Variants in SNTG1 observed in about 807,000 individuals in gnomAD.
The protein encoded by SNTG1 is syntrophin gamma 1.
Under a neutral mutation model 74.7 loss-of-function variants are expected in SNTG1, and 39 were observed. That is an observed-to-expected ratio of 0.52 (90% confidence interval 0.40 to 0.68). The LOEUF is 0.68. SNTG1 is among the 30% of genes least tolerant of loss of function. The probability of loss-of-function intolerance (pLI) is 0.00; values close to 1 mark genes in which losing one functional copy is unlikely to be tolerated. For synonymous variants in SNTG1, 254 were observed against 217.1 expected, an observed-to-expected ratio of 1.17 and a Z score of -1.49; for missense variants, 685 against 609.5, an observed-to-expected ratio of 1.12 and a Z score of -1.30.
intron 15 of SNTG1, among the ~76,000 whole-genome samples, chr8:50,690,225 G>GT (rs1310316782): frequency 6.6e-6 from 1 of 152,040 alleles, no homozygotes; most frequent in Non-Finnish European, 1.5e-5. Context: ...ATTTTTGAAG[G>GT]TTTTTTTGTG....
At chr8:50,318,494 C>G (rs2090399402) in intron 2 of SNTG1, among the ~76,000 whole-genome samples, 1 of 152,166 alleles carries the variant, frequency 6.6e-6, no homozygotes, top group Non-Finnish European at 1.5e-5. Flanking sequence ...CATTGCCCTC[C>G]ATCACTTCAC....
intron 12 of SNTG1, chr8:50,568,901 T>C (rs556906287): frequency 1.3e-5 from 2 of 152,318 alleles, no homozygotes; most frequent in South Asian, 2.1e-4. Flanking sequence ...TTTTATCTTA[T>C]GGCCTTCAAG....
At chr8:50,696,702 C>T (rs1585565734) in intron 15 of SNTG1, among the ~76,000 whole-genome samples, 1 of 152,022 alleles carries the variant, frequency 6.6e-6, no homozygotes, top group Non-Finnish European at 1.5e-5. Flanking sequence ...GTCCTTTACC[C>T]AGTGTATATT....
chr8:50,041,360 T>C lies in SNTG1; in HGVS notation c.-103+129129T>C, dbSNP rs568951452. On this transcript the variant is annotated intron_variant, in intron 1 of 18. Coordinates refer to ENST00000642720, the MANE Select transcript of SNTG1 (RefSeq NM_018967.5). ...TCCCAGTTGATGAGTTTTTGAAATT[T>C]TTCATAATAAAACATATTTAATAAA... is the stretch of plus-strand genomic sequence containing the variant. Among the ~76,000 whole-genome samples the C allele has an allele frequency of 7.9e-5, 12 of 152,252 alleles. No individual in the cohort carries two copies. The East Asian group carries it at 1.7e-3, about 22-fold the overall frequency.
At chr8:50,667,779 A>G (rs2095257782) in intron 15 of SNTG1, among the ~76,000 whole-genome samples, 1 of 152,036 alleles carries the variant, frequency 6.6e-6, no homozygotes. Context: ...TTTTCTTAAA[A>G]AGGTTGATTG....
chr8:50,347,962 ATGT>A lies in SNTG1; in HGVS notation c.-27-46248_-27-46246del, dbSNP rs2091531294. Among the ~76,000 whole-genome samples the A allele has an allele frequency of 1.8e-4, 28 of 152,188 alleles. 2 individuals carry two copies. Among genetic ancestry groups the A allele is most frequent in the Admixed American group, 5.2e-4 (8 of 15,278 alleles). On this transcript the variant is annotated intron_variant, in intron 2 of 18. Coordinates refer to ENST00000642720, the MANE Select transcript of SNTG1 (RefSeq NM_018967.5). ...AATATATATGATATAATGTTACAGGATGTTTGCTTTCACTTCCCCAAGAAACAT... is the reference window on the plus strand; with the variant it reads ...AATATATATGATATAATGTTACAGGATTGCTTTCACTTCCCCAAGAAACAT...
At chr8:50,152,260 G>A (rs924197280) in intron 1 of SNTG1, among the ~76,000 whole-genome samples, 1 of 152,038 alleles carries the variant, frequency 6.6e-6, no homozygotes, top group Non-Finnish European at 1.5e-5. Context: ...CATTTGCTTG[G>A]TAGATCTTCC....
chr8:50,010,925 A>T (rs1342828026), intron 1 of SNTG1, among the ~76,000 whole-genome samples: 1 of 151,706 alleles, frequency 6.6e-6, no homozygotes, highest in African/African-American at 2.4e-5. Flanking sequence ...ATATCATCAC[A>T]CCATTGCTCA....
intron 12 of SNTG1, among the ~76,000 whole-genome samples, chr8:50,566,721 G>T (rs2094518464): frequency 6.6e-6 from 1 of 151,854 alleles, no homozygotes; most frequent in Non-Finnish European, 1.5e-5. Flanking sequence ...GTTTTGTTTT[G>T]TTTTGTTTTT....
Position 49,928,044 on chromosome 8 carries a change from G to A in SNTG1, c.-103+15813G>A, listed in dbSNP as rs552012655. Among the ~76,000 whole-genome samples, 49 of 151,324 alleles carry A rather than the reference G, an allele frequency of 3.2e-4. 1 individual carries two copies. Among genetic ancestry groups the A allele is most frequent in the Non-Finnish European group, 4.7e-4 (32 of 67,806 alleles). On this transcript the variant is annotated intron_variant, in intron 1 of 18. Transcript: ENST00000642720. Reference sequence around the variant, plus strand: ...CTCGGGGGGCTGAGGCAGGAGAATCGCTTGAATCCGGGAGGCGGAGGTTGT... The same window carrying A: ...CTCGGGGGGCTGAGGCAGGAGAATCACTTGAATCCGGGAGGCGGAGGTTGT...
In SNTG1 at chr8:50,792,714, A is replaced by T. The variant is rs780917003; in HGVS notation, c.1439A>T (p.His480Leu). The T allele has an allele frequency of 6.8e-6, 11 of 1,612,092 alleles. No homozygotes were observed. Among genetic ancestry groups the T allele is most frequent in the African/African-American group, 2.7e-5 (2 of 74,768 alleles). The part of the protein sequence containing the change: ...SNLFAVLHCI[H>L]SFFAAKVACL... ...TTATTTGCTGTTCTTCACTGCATTC[A>T]TTCCTTCTTTGCTGCCAAGGTAGCT... Residue 480 changes from histidine to leucine, a missense_variant, in exon 19 of 19, where the codon CAT becomes CTT. Coordinates refer to ENST00000642720, the MANE Select transcript of SNTG1 (RefSeq NM_018967.5).
chr8:50,604,912 G>T (rs960997748), intron 13 of SNTG1, among the ~76,000 whole-genome samples: 2 of 152,140 alleles, frequency 1.3e-5, no homozygotes, highest in African/African-American at 4.8e-5. Flanking sequence ...TACGAACAAG[G>T]TATCCCTGCA....
chr8:50,350,317 G>A (rs1706231449), intron 2 of SNTG1, among the ~76,000 whole-genome samples: 1 of 152,164 alleles, frequency 6.6e-6, no homozygotes, highest in Non-Finnish European at 1.5e-5. Flanking sequence ...GCACTGCAGG[G>A]GACTGGCAGG....
chr8:50,379,325 G>C (rs1038603915), intron 2 of SNTG1, among the ~76,000 whole-genome samples: 2 of 152,070 alleles, frequency 1.3e-5, no homozygotes, highest in Admixed American at 1.3e-4. Flanking sequence ...TATGAAAGCA[G>C]GGGGGGCCTT....
chr8:50,265,902 A>G (rs1404066492), intron 2 of SNTG1, among the ~76,000 whole-genome samples: 1 of 152,122 alleles, frequency 6.6e-6, no homozygotes, highest in African/African-American at 2.4e-5. Flanking sequence ...AAACATATAC[A>G]GTGAAAACTA....
In SNTG1 at chr8:50,341,870, T is replaced by G. The variant is rs28574640; in HGVS notation, c.-27-52342T>G. On this transcript the variant is annotated intron_variant, in intron 2 of 18. Transcript: ENST00000642720. ...AATAACAAGCTAAATGCAGATAAAG[T>G]TAACTTTTTATTCATTTTGAACTAT... Among the ~76,000 whole-genome samples the G allele has an allele frequency of 4.3e-3, 660 of 152,106 alleles. 4 individuals are homozygous for G. Among genetic ancestry groups the G allele is most frequent in the African/African-American group, 0.015 (624 of 41,518 alleles).
intron 13 of SNTG1, among the ~76,000 whole-genome samples, chr8:50,635,192 A>AT (rs1402192846): frequency 1.1e-4 from 16 of 152,266 alleles, no homozygotes; most frequent in African/African-American, 3.6e-4. Context: ...TCTTGGCATA[A>AT]TACACTAAGC....
At chr8:50,472,218 G>T (rs1048756517) in intron 8 of SNTG1, among the ~76,000 whole-genome samples, 1 of 152,048 alleles carries the variant, frequency 6.6e-6, no homozygotes, top group Non-Finnish European at 1.5e-5. Context: ...GGAATTGCAA[G>T]AGACACCAAA....
intron 9 of SNTG1, among the ~76,000 whole-genome samples, chr8:50,524,470 T>C (rs2094204615): frequency 6.6e-6 from 1 of 152,100 alleles, no homozygotes; most frequent in Admixed American, 6.6e-5. Context: ...CGTTTTTAAG[T>C]AAGTGAATTT....
Sources: gnomAD v4.1 joint callset for allele counts (sites outside exome capture counted in the v4.1 genomes callset) on GRCh38, gnomAD v4.1.1 for gene constraint, MANE v1.5 for transcripts, NCBI Gene and HGNC (gene_info 2026-07-23, HGNC 2026-07-21) for gene names.